Variants in CFAP300 observed in about 807,000 individuals in gnomAD.
CFAP300 encodes cilia- and flagella-associated protein 300.
Under a neutral mutation model 33.0 loss-of-function variants are expected in CFAP300, and 32 were observed. The observed-to-expected ratio is 0.97, with a 90% CI of 0.73 to 1.30. The LOEUF (loss-of-function observed/expected upper bound fraction) is 1.30. Ranked by LOEUF, CFAP300 falls within the 50% of genes most tolerant of loss-of-function variation. CFAP300 has a pLI of 0.00. For missense variants in CFAP300, 356 were observed against 318.1 expected (o/e 1.12, Z -0.90); for synonymous variants, 102 against 106.8 (o/e 0.95, Z 0.28).
In CFAP300 at chr11:102,083,971, T is replaced by G. The variant is rs1190149060; in HGVS notation, c.*772T>G. ...GTGAGGTTGCAGTGAGCCGAGGCTG[T>G]GCCACTGTACTCTAGCTCTGGCAAC... On this transcript the variant is annotated 3_prime_UTR_variant, in exon 7 of 7. Coordinates refer to ENST00000434758, the MANE Select transcript of CFAP300 (RefSeq NM_032930.3). 6.6e-6 allele frequency: 1 copy of G among 152,040 alleles called. No homozygotes were observed. Among genetic ancestry groups the G allele is most frequent in the Admixed American group, 6.6e-5 (1 of 15,254 alleles). 9.4% of individuals were successfully genotyped at this position (152,040 alleles called of 1,614,324 possible).
chr11:102,077,984 G>A (rs1321865806), intron 5 of CFAP300, among the ~76,000 whole-genome samples: 1 of 152,104 alleles, frequency 6.6e-6, no homozygotes, highest in African/African-American at 2.4e-5. Context: ...TCTGCCTCCT[G>A]GGCTCACGTA....
chr11:102,048,411 AG>A (rs1941919799), intron 2 of CFAP300, among the ~76,000 whole-genome samples: 1 of 50,154 alleles, frequency 2.0e-5, no homozygotes, highest in African/African-American at 8.8e-5. Flanking sequence ...TTAGAGGCAG[AG>A]TCTCACTATG....
intron 4 of CFAP300, among the ~76,000 whole-genome samples, chr11:102,071,675 G>A (rs1041194224): frequency 2.0e-5 from 3 of 152,066 alleles, no homozygotes; most frequent in African/African-American, 7.2e-5. Context: ...ATTTTGGCTT[G>A]TCTAGGAAAT....
At chr11:102,070,420 C>T (rs190425684) in intron 4 of CFAP300, among the ~76,000 whole-genome samples, 16 of 152,272 alleles carry the variant, frequency 1.1e-4, no homozygotes, top group African/African-American at 3.6e-4. Flanking sequence ...TGCTACTAGA[C>T]AGTGATTGTT....
At chr11:102,075,130 A>C (rs572241550) in intron 4 of CFAP300, among the ~76,000 whole-genome samples, 39 of 152,220 alleles carry the variant, frequency 2.6e-4, no homozygotes, top group Non-Finnish European at 4.3e-4. Flanking sequence ...TAAAGTAGGT[A>C]GGATATAAAC....
chr11:102,070,529 G>GTTTA (rs931918876), intron 4 of CFAP300, among the ~76,000 whole-genome samples: 1 of 150,936 alleles, frequency 6.6e-6, no homozygotes, highest in Non-Finnish European at 1.5e-5. Flanking sequence ...CTGTTTGTTT[G>GTTTA]TTTATTTATT....
chr11:102,054,221 A>AT (rs1052019531), intron 2 of CFAP300, among the ~76,000 whole-genome samples: 1 of 152,122 alleles, frequency 6.6e-6, no homozygotes, highest in African/African-American at 2.4e-5. Flanking sequence ...CTATATGAAC[A>AT]TTTTTTCCCA....
chr11:102,066,424 A>G, intron 3 of CFAP300, 61 bp from the exon 4 acceptor site: 1 of 1,215,548 alleles, frequency 8.2e-7, no homozygotes, highest in African/African-American at 1.5e-5. Flanking sequence ...TATTTTGGAA[A>G]TAGTTGAGAA....
chr11:102,080,469 G>A (rs1018069882), intron 5 of CFAP300, among the ~76,000 whole-genome samples: 4 of 152,142 alleles, frequency 2.6e-5, no homozygotes, highest in African/African-American at 9.7e-5. Context: ...CCAGACTGGA[G>A]TGCAATGGTG....
At chr11:102,081,192 G>T (rs1471667590) in intron 5 of CFAP300, 23 bp from the exon 6 acceptor site, 2 of 1,573,620 alleles carry the variant, frequency 1.3e-6, no homozygotes, top group Admixed American at 1.8e-5. Context: ...TATGTTAAAA[G>T]CACCTTTTCT....
intron 4 of CFAP300, among the ~76,000 whole-genome samples, chr11:102,072,691 G>A (rs1480510780): frequency 6.6e-6 from 1 of 152,066 alleles, no homozygotes; most frequent in East Asian, 1.9e-4. Context: ...TCCTTTGGAG[G>A]TGTCATCTTT....
intron 3 of CFAP300, 31 bp from the exon 4 acceptor site, chr11:102,066,454 T>A (rs1591321370): frequency 6.7e-7 from 1 of 1,500,944 alleles, no homozygotes; most frequent in African/African-American, 1.4e-5. Flanking sequence ...AATTTTTCTA[T>A]CTCCATTCTT....
intron 2 of CFAP300, among the ~76,000 whole-genome samples, chr11:102,052,773 T>C (rs1198172947): frequency 7.9e-5 from 12 of 152,218 alleles, no homozygotes; most frequent in Admixed American, 6.5e-4. Flanking sequence ...CCCCACTTGG[T>C]ATCTCCTTGA....
In CFAP300 at chr11:102,047,732, G is replaced by A. The variant is rs535710286; in HGVS notation, c.111-83G>A. 129 of 1,524,838 alleles carry A rather than the reference G, an allele frequency of 8.5e-5. 2 individuals carry two copies. In the African/African-American group the frequency reaches 1.6e-3, roughly 19 times the overall value. The allele number at this position is 1,524,838 out of a possible 1,614,324, so 94.5% of individuals were successfully genotyped here. A position where few individuals can be genotyped will look rare whatever the true frequency, so the allele number is the denominator to read the frequency against. ...AACCCCGAACCACCCGGGAAGGGCG[G>A]ATGCTGTGGGTGGGATCGGTTATCG... On this transcript the variant is annotated intron_variant, in intron 1 of 6. Transcript: ENST00000434758.
chr11:102,067,586 T>C (rs1053408478), intron 4 of CFAP300, among the ~76,000 whole-genome samples: 8 of 152,234 alleles, frequency 5.3e-5, no homozygotes, highest in African/African-American at 1.9e-4. Context: ...CCTCAAGATC[T>C]TATCTATACA....
intron 2 of CFAP300, among the ~76,000 whole-genome samples, chr11:102,053,583 C>T (rs958045440): frequency 7.3e-6 from 1 of 136,442 alleles, no homozygotes; most frequent in African/African-American, 2.8e-5. Flanking sequence ...AACAAACAAA[C>T]AAAAACCTTC....
chr11:102,054,622 G>C (rs1942021935), intron 2 of CFAP300, among the ~76,000 whole-genome samples: 1 of 151,250 alleles, frequency 6.6e-6, no homozygotes, highest in African/African-American at 2.4e-5. Flanking sequence ...CCAGCTACTT[G>C]GGAGACTGAG....
intron 4 of CFAP300, among the ~76,000 whole-genome samples, chr11:102,073,632 C>A (rs1423254911): frequency 6.6e-6 from 1 of 152,128 alleles, no homozygotes; most frequent in African/African-American, 2.4e-5. Context: ...GAGCTGTGGC[C>A]CTGCTGCATG....
At chr11:102,069,417 T>G (rs1473485425) in intron 4 of CFAP300, among the ~76,000 whole-genome samples, 1 of 152,168 alleles carries the variant, frequency 6.6e-6, no homozygotes, top group Non-Finnish European at 1.5e-5. Flanking sequence ...GCTGAAGAGA[T>G]CTGTATGTGA....
Sources: allele counts gnomAD v4.1 joint callset (sites outside exome capture counted in the v4.1 genomes callset), GRCh38; gene constraint gnomAD v4.1.1; transcripts MANE v1.5; gene names NCBI Gene and HGNC (gene_info 2026-07-23, HGNC 2026-07-21).